Variants in TRPM3 observed in about 807,000 individuals in gnomAD.
TRPM3 encodes the protein long transient receptor potential channel 3.
In TRPM3, 77 loss-of-function variants were observed where a neutral mutation model predicts 181.2. The ratio of observed to expected loss-of-function variants is 0.42; its 90% confidence interval spans 0.35 to 0.51. The LOEUF (loss-of-function observed/expected upper bound fraction) is 0.51, where lower values mean the gene tolerates loss of function less well. Ranked by LOEUF, TRPM3 falls within the 20% of genes least tolerant of loss-of-function variation. The pLI, the probability that TRPM3 is intolerant of heterozygous loss-of-function variation, is 0.01. For missense variants in TRPM3, 1,759 were observed against 2,196.7 expected, an observed-to-expected ratio of 0.80 and a Z score of 3.98; for synonymous variants, 745 against 796.4, an observed-to-expected ratio of 0.94 and a Z score of 1.09.
At chr9:71,102,392 C>T (rs2068568599) in intron 1 of TRPM3, among the ~76,000 whole-genome samples, 1 of 152,190 alleles carries the variant, frequency 6.6e-6, no homozygotes, top group East Asian at 1.9e-4. Context: ...AAGAACATTT[C>T]AAAATGTTAA....
At chr9:71,253,932 T>C (rs1351767085) in intron 1 of TRPM3, among the ~76,000 whole-genome samples, 2 of 152,190 alleles carry the variant, frequency 1.3e-5, no homozygotes, top group African/African-American at 4.8e-5. Context: ...AAATTATTAT[T>C]ATTATTGAGA....
intron 1 of TRPM3, among the ~76,000 whole-genome samples, chr9:71,100,264 C>A (rs1290228670): frequency 6.6e-6 from 1 of 151,894 alleles, no homozygotes; most frequent in Non-Finnish European, 1.5e-5. Context: ...TTTGAAGATG[C>A]CAAGTCAATG....
intron 1 of TRPM3, among the ~76,000 whole-genome samples, chr9:71,104,652 T>C (rs1298578194): frequency 6.6e-6 from 1 of 152,154 alleles, no homozygotes. Context: ...TCAATAAAAG[T>C]TAATTTTCTT....
chr9:70,603,794 C>T (rs1420529170), intron 19 of TRPM3, among the ~76,000 whole-genome samples: 2 of 152,166 alleles, frequency 1.3e-5, no homozygotes, highest in African/African-American at 2.4e-5. Context: ...GGAGCCTTGG[C>T]TGTCAGTGGC....
chr9:71,352,099 T>G (rs1282188021), intron 1 of TRPM3, among the ~76,000 whole-genome samples: 1 of 152,066 alleles, frequency 6.6e-6, no homozygotes, highest in Non-Finnish European at 1.5e-5. Context: ...ATGGTCTCGA[T>G]CTCCTGACTT....
intron 1 of TRPM3, among the ~76,000 whole-genome samples, chr9:70,953,833 G>A (rs564235251): frequency 1.8e-3 from 278 of 152,268 alleles, no homozygotes; most frequent in African/African-American, 6.2e-3. Flanking sequence ...CCCTAACCTT[G>A]TACCTCTTGG....
intron 1 of TRPM3, among the ~76,000 whole-genome samples, chr9:70,866,081 A>C (rs2095644492): frequency 6.6e-6 from 1 of 152,096 alleles, no homozygotes; most frequent in South Asian, 2.1e-4. Flanking sequence ...GTAGACAGCC[A>C]GTCTTTTTCT....
At chr9:71,061,547 C>A (rs1361165621) in intron 1 of TRPM3, among the ~76,000 whole-genome samples, 1 of 152,076 alleles carries the variant, frequency 6.6e-6, no homozygotes, top group East Asian at 1.9e-4. Context: ...TTGTGATAAA[C>A]ACATGCATTC....
At chr9:70,973,482 T>C (rs1244206024) in intron 1 of TRPM3, among the ~76,000 whole-genome samples, 1 of 152,200 alleles carries the variant, frequency 6.6e-6, no homozygotes, top group East Asian at 1.9e-4. Context: ...TATGAGACAT[T>C]TGCTTTTTTT....
chr9:70,651,108 A>G (rs148247704), intron 9 of TRPM3, among the ~76,000 whole-genome samples: 82 of 152,330 alleles, frequency 5.4e-4, no homozygotes, highest in African/African-American at 1.5e-3. Flanking sequence ...GTGTACAAAG[A>G]GACCAACGTT....
chr9:71,279,783 C>T (rs952798583), intron 1 of TRPM3, among the ~76,000 whole-genome samples: 4 of 152,040 alleles, frequency 2.6e-5, no homozygotes, highest in East Asian at 3.9e-4. Flanking sequence ...CCAGCATTGA[C>T]GGAAATTATC....
chr9:70,755,121 T>C (rs1488296147), intron 8 of TRPM3, among the ~76,000 whole-genome samples: 2 of 152,148 alleles, frequency 1.3e-5, no homozygotes, highest in Non-Finnish European at 2.9e-5. Flanking sequence ...AAATTGTTGC[T>C]TCTTAAGAAC....
intron 1 of TRPM3, among the ~76,000 whole-genome samples, chr9:70,867,589 T>C (rs2095677177): frequency 6.6e-6 from 1 of 151,958 alleles, no homozygotes; most frequent in Admixed American, 6.6e-5. Context: ...TCACAGAAAA[T>C]TGGGAGGAAA....
At chr9:70,869,481 A>G (rs2095741106) in intron 1 of TRPM3, among the ~76,000 whole-genome samples, 1 of 151,970 alleles carries the variant, frequency 6.6e-6, no homozygotes, top group Middle Eastern at 3.2e-3. Flanking sequence ...TAGTGGTTGG[A>G]GCACACAAGC....
At chr9:71,090,014 T>G (rs1439456204) in intron 1 of TRPM3, among the ~76,000 whole-genome samples, 2 of 152,172 alleles carry the variant, frequency 1.3e-5, no homozygotes, top group Non-Finnish European at 2.9e-5. Context: ...GAATTTGCAT[T>G]CGGCCACATT....
chr9:70,911,750 C>A (rs1432797119), intron 1 of TRPM3, among the ~76,000 whole-genome samples: 1 of 152,184 alleles, frequency 6.6e-6, no homozygotes, highest in African/African-American at 2.4e-5. Context: ...TGTCTCAAAT[C>A]TGTTTTCTCC....
At chr9:70,667,832 C>T (rs1367432719) in intron 9 of TRPM3, among the ~76,000 whole-genome samples, 2 of 152,184 alleles carry the variant, frequency 1.3e-5, no homozygotes, top group Non-Finnish European at 2.9e-5. Flanking sequence ...TGCCACACAT[C>T]ACTTCTGATC....
At chr9:70,610,576 T>C in intron 19 of TRPM3, 33 bp downstream of exon 19, 1 of 1,602,772 alleles carries the variant, frequency 6.2e-7, no homozygotes, top group Non-Finnish European at 8.5e-7. Flanking sequence ...CTTGTGGCCA[T>C]CCACTAGGAA....
chr9:71,062,787 G>C (rs192226280), intron 1 of TRPM3, among the ~76,000 whole-genome samples: 17 of 152,108 alleles, frequency 1.1e-4, no homozygotes, highest in African/African-American at 3.9e-4. Context: ...AAAAGGATGA[G>C]TTCAGCTCCC....
Sources: gnomAD v4.1 joint callset for allele counts (sites outside exome capture counted in the v4.1 genomes callset) on GRCh38, gnomAD v4.1.1 for gene constraint, MANE v1.5 for transcripts, NCBI Gene and HGNC (gene_info 2026-07-23, HGNC 2026-07-21) for gene names.